The following PTPN3 variants were observed in gnomAD, a reference collection of about 807,000 sequenced individuals.
The protein encoded by PTPN3 is protein tyrosine phosphatase non-receptor type 3.
A neutral mutation model predicts 132.7 loss-of-function variants in PTPN3; 96 were observed. The ratio of observed to expected loss-of-function variants is 0.72; its 90% confidence interval spans 0.61 to 0.86. The LOEUF is 0.86. Among genes scored for constraint, PTPN3 ranks in the 40% least tolerant of loss-of-function variants. The probability of loss-of-function intolerance (pLI) is 0.00; values close to 1 mark genes in which losing one functional copy is unlikely to be tolerated. For synonymous variants in PTPN3, 398 were observed against 429.0 expected (o/e 0.93, Z 0.89); for missense variants, 1,125 against 1,159.6 (o/e 0.97, Z 0.43).
At chr9:109,453,094 G>A (rs1439818693) in intron 5 of PTPN3, among the ~76,000 whole-genome samples, 1 of 152,184 alleles carries the variant, frequency 6.6e-6, no homozygotes, top group African/African-American at 2.4e-5. Context: ...CAGACACCTT[G>A]GACATTGGCT....
At chr9:109,520,424 AAGAAT>A in the PTPN3 span, among the ~76,000 whole-genome samples, 1 of 152,214 alleles carries the variant, frequency 6.6e-6, no homozygotes, top group Non-Finnish European at 1.5e-5. Context: ...GAAAGGAAAA[AAGAAT>A]AGTGCTTCTA....
intron 7 of PTPN3, among the ~76,000 whole-genome samples, chr9:109,444,296 G>T (rs539600236): frequency 3.3e-5 from 5 of 152,262 alleles, no homozygotes; most frequent in Admixed American, 2.6e-4. Flanking sequence ...GCTCTCATCT[G>T]GCTATACGTT....
chr9:109,510,425 G>A, the PTPN3 span, among the ~76,000 whole-genome samples: 220 of 151,640 alleles, frequency 1.5e-3, 11 homozygotes, highest in East Asian at 0.037. Context: ...AGGTGTGGTG[G>A]TGCATGCCTG....
At chr9:109,484,304 G>A (rs1847107976) in intron 1 of PTPN3, among the ~76,000 whole-genome samples, 1 of 152,204 alleles carries the variant, frequency 6.6e-6, no homozygotes, top group African/African-American at 2.4e-5. Flanking sequence ...GACCTTGTGA[G>A]GTGGAGACAC....
chr9:109,438,420 T>C (rs1199299754), intron 7 of PTPN3, among the ~76,000 whole-genome samples, 186 bp from the exon 8 acceptor site: 1 of 152,208 alleles, frequency 6.6e-6, no homozygotes, highest in African/African-American at 2.4e-5. Context: ...GCCTTCACTA[T>C]AGGCTAAGAT....
At chr9:109,441,583 C>G (rs1844474633) in intron 7 of PTPN3, among the ~76,000 whole-genome samples, 1 of 152,132 alleles carries the variant, frequency 6.6e-6, no homozygotes, top group African/African-American at 2.4e-5. Flanking sequence ...ATCTGTGCAC[C>G]CTGAGGCTGG....
intron 4 of PTPN3, among the ~76,000 whole-genome samples, chr9:109,456,224 G>A (rs1845559245): frequency 6.6e-6 from 1 of 152,228 alleles, no homozygotes; most frequent in African/African-American, 2.4e-5. Context: ...TCTCCACTCC[G>A]CCATGCACTG....
chr9:109,420,162 A>G (rs1182920700), intron 14 of PTPN3, among the ~76,000 whole-genome samples: 1 of 152,210 alleles, frequency 6.6e-6, no homozygotes, highest in East Asian at 1.9e-4. Flanking sequence ...AGACTAATTC[A>G]AGAGACTAAC....
chr9:109,510,571 A>AT, the PTPN3 span, among the ~76,000 whole-genome samples: 8 of 54,954 alleles, frequency 1.5e-4, no homozygotes, highest in Admixed American at 7.3e-4. Flanking sequence ...AAAAAAAAAA[A>AT]AAAAAATATA....
chr9:109,402,934 C>A (rs972609258), intron 19 of PTPN3, among the ~76,000 whole-genome samples: 5 of 152,112 alleles, frequency 3.3e-5, no homozygotes, highest in Admixed American at 1.3e-4. Flanking sequence ...ACAAATTAGC[C>A]AGGAGTGGTG....
At chr9:109,498,836 G>A (rs1300132532), upstream of PTPN3, among the ~76,000 whole-genome samples, 1 of 152,062 alleles carries the variant, frequency 6.6e-6, no homozygotes, top group African/African-American at 2.4e-5. The surrounding 1 kb of genome is among the most constrained non-coding windows in gnomAD (Gnocchi z 4.2). Context: ...TCAAACACTC[G>A]AACTTCACTA....
At chr9:109,416,749 CA>C (rs1842536784) in intron 14 of PTPN3, among the ~76,000 whole-genome samples, 2 of 152,052 alleles carry the variant, frequency 1.3e-5, no homozygotes, top group South Asian at 4.1e-4. Context: ...GGCTGGCCAG[CA>C]CAGAATTTTT....
chr9:109,413,941 A>G (rs1214651263), intron 14 of PTPN3, among the ~76,000 whole-genome samples: 1 of 152,142 alleles, frequency 6.6e-6, no homozygotes, highest in Non-Finnish European at 1.5e-5. Flanking sequence ...CCGCCTGTGA[A>G]AGGAGGCAAA....
rs1281706002 is a variant in PTPN3 at position 109,422,749 on chromosome 9, G to A, written c.1105C>T (p.Pro369Ser). The change falls in exon 13 of 26, where the codon CCT (proline) becomes TCT (serine). Residue 369 changes from proline (P) to serine (S), a missense_variant. By Grantham distance (74) the Pro-to-Ser change is moderately conservative (BLOSUM62 -1). Coordinates refer to ENST00000374541, the MANE Select transcript of PTPN3 (RefSeq NM_002829.4). Reference protein sequence around the residue: ...SVEHLETKSLPSRSPPITPNW... With the variant: ...SVEHLETKSLSSRSPPITPNW... ...GGAGTAATGGGAGGGGAACGAGAAG[G>A]CAGACTCTTGGTTTCTAAGTGCTCC... 6.2e-7 allele frequency: 1 copy of A among 1,612,272 alleles called. No individual in the cohort carries two copies. The highest frequency in any genetic ancestry group is 1.7e-5 in the Admixed American group (1 of 59,982).
At chr9:109,526,745 A>G in the PTPN3 span, among the ~76,000 whole-genome samples, 1 of 152,206 alleles carries the variant, frequency 6.6e-6, no homozygotes, top group African/African-American at 2.4e-5. Flanking sequence ...AAGAAGATGA[A>G]CAGAGGACTT....
the PTPN3 span, among the ~76,000 whole-genome samples, chr9:109,532,333 A>G: frequency 1.3e-5 from 2 of 152,190 alleles, no homozygotes; most frequent in African/African-American, 2.4e-5. Flanking sequence ...GGAAGTATGG[A>G]ACAGATTAGA....
intron 13 of PTPN3, 37 bp downstream of exon 13, chr9:109,422,681 G>A (rs1842962138): frequency 1.3e-6 from 2 of 1,529,598 alleles, no homozygotes; most frequent in Non-Finnish European, 1.8e-6. Flanking sequence ...AGTGTCTACT[G>A]TTGGGTAGTA....
the PTPN3 span, among the ~76,000 whole-genome samples, chr9:109,523,696 T>A: frequency 6.6e-6 from 1 of 152,404 alleles, no homozygotes; most frequent in East Asian, 1.9e-4. Flanking sequence ...AGAATTATGC[T>A]CAAATGTGGT....
chr9:109,485,278 C>T (rs1450668743), intron 1 of PTPN3, among the ~76,000 whole-genome samples: 2 of 152,018 alleles, frequency 1.3e-5, no homozygotes, highest in African/African-American at 4.8e-5. Context: ...GAGGCCGAGG[C>T]GGGTGGATCA....
Sources: gnomAD v4.1 joint callset for allele counts (sites outside exome capture counted in the v4.1 genomes callset) on GRCh38, gnomAD v4.1.1 for gene constraint, Gnocchi (gnomAD v3.1) non-coding constraint, MANE v1.5 for transcripts, NCBI Gene and HGNC (gene_info 2026-07-23, HGNC 2026-07-21) for gene names.